GATA5: variants seen among roughly 807,000 people sequenced by gnomAD.
The protein encoded by GATA5 is GATA binding protein 5, also known as transcription factor GATA-5.
GATA5 carries 27 observed loss-of-function variants against 35.0 expected under a neutral mutation model. The observed-to-expected ratio is 0.77, with a 90% CI of 0.57 to 1.06. GATA5 has a LOEUF of 1.06. Among genes scored for constraint, GATA5 ranks in the 50% least tolerant of loss-of-function variants. GATA5 has a pLI of 0.00. For synonymous variants in GATA5, 306 were observed against 267.8 expected (o/e 1.14, Z -1.39); for missense variants, 612 against 580.0 (o/e 1.06, Z -0.57).
intron 4 of GATA5, 23 bp downstream of exon 4, chr20:62,466,403 C>T: frequency 2.6e-6 from 4 of 1,564,116 alleles, no homozygotes; most frequent in Non-Finnish European, 3.5e-6. Context: ...GCCTCCCCGC[C>T]CTGCCCCGGG....
chr20:62,475,003 G>A lies in GATA5; in HGVS notation c.519C>T (p.Thr173=). The A allele has an allele frequency of 7.5e-7, 1 of 1,337,886 alleles. No individual in the cohort carries two copies. The highest frequency in any genetic ancestry group is 9.6e-7 in the Non-Finnish European group (1 of 1,040,250). 82.9% of individuals were successfully genotyped at this position (1,337,886 alleles called of 1,614,324 possible). A position where few individuals can be genotyped will look rare whatever the true frequency, so the allele number is the denominator to read the frequency against. The change falls in exon 2 of 7, where the codon ACC becomes ACT. Residue 173 remains threonine (T), a synonymous_variant. Coordinates refer to ENST00000252997, the MANE Select transcript of GATA5 (RefSeq NM_080473.5). The stretch of plus-strand genomic sequence containing the variant: ...CTGTGGAGCCCCCGCACTCACCGAA[G>A]GTGGGCCTGCGGCCTGGGAGGCCGT... ...VLHGLPGRRP[T]FVSDFLEEFP... is the part of the protein sequence containing the mutation.
At chr20:62,469,116 C>CA (rs1989662797) in intron 3 of GATA5, among the ~76,000 whole-genome samples, 1 of 152,340 alleles carries the variant, frequency 6.6e-6, no homozygotes, top group Admixed American at 6.5e-5. Context: ...GACACCCACC[C>CA]ATCCGTCTGT....
At chr20:62,474,947 AC>A (rs1989815303) in intron 2 of GATA5, 51 bp downstream of exon 2, 2 of 1,260,744 alleles carry the variant, frequency 1.6e-6, no homozygotes, top group Admixed American at 4.2e-5. Flanking sequence ...GCGGGTTTGC[AC>A]CCGGATTCGG....
intron 3 of GATA5, among the ~76,000 whole-genome samples, chr20:62,472,413 G>A (rs1440232506): frequency 2.0e-5 from 3 of 152,182 alleles, no homozygotes; most frequent in Non-Finnish European, 2.9e-5. Context: ...CATAGCACGC[G>A]AATCCAGGCA....
At chr20:62,465,528 T>G (rs782025695) in intron 5 of GATA5, 64 bp from the exon 6 acceptor site, 125 of 1,555,112 alleles carry the variant, frequency 8.0e-5, no homozygotes, top group Admixed American at 1.6e-4. Flanking sequence ...CTTCCTGCCA[T>G]GTAGCGGGTC....
Position 62,470,702 on chromosome 20 carries a change from C to T in GATA5, c.699+2701G>A, listed in dbSNP as rs1189165186. Among the ~76,000 whole-genome samples, 3 of 152,172 alleles carry T rather than the reference C, an allele frequency of 2.0e-5. No homozygotes were observed. Among genetic ancestry groups the T allele is most frequent in the Admixed American group, 6.5e-5 (1 of 15,276 alleles). On this transcript the variant is annotated intron_variant, in intron 3 of 6. Coordinates refer to ENST00000252997, the MANE Select transcript of GATA5 (RefSeq NM_080473.5). The surrounding 1 kb of genome is among the most constrained non-coding windows in gnomAD (Gnocchi z 4.6). ...GCTAGGAGGTCTGCTGTCCGCACTG[C>T]CCTTGGCTGCCGGGCCCCAGGCTTC...
chr20:62,465,194 G>C, intron 6 of GATA5, 146 bp downstream of exon 6: 2 of 979,350 alleles, frequency 2.0e-6, no homozygotes, highest in Admixed American at 2.9e-5. Flanking sequence ...TCTAGGGGAA[G>C]GGCCACCATA....
rs781894505 is a variant in GATA5, at chr20:62,473,454, G to A, written c.648C>T (p.Tyr216=). Residue 216 remains tyrosine, a synonymous_variant, in exon 3 of 7, where the codon TAC becomes TAT. Transcript: ENST00000252997. The part of the protein sequence containing the change: ...GHYLCNACGL[Y]HKMNGVNRPL... ...GCCGGTTGACGCCATTCATCTTGTG[G>A]TAGAGGCCGCAGGCATTGCACAGGT... is the stretch of plus-strand genomic sequence containing the variant. 1.9e-6 allele frequency: 3 copies of A among 1,611,444 alleles called. No homozygotes were observed. Among genetic ancestry groups the A allele is most frequent in the Non-Finnish European group, 2.5e-6 (3 of 1,179,350 alleles).
At chr20:62,466,288 G>C (rs1258314845) in intron 4 of GATA5, 138 bp downstream of exon 4, 2 of 1,026,442 alleles carry the variant, frequency 1.9e-6, no homozygotes, top group South Asian at 1.7e-5. Flanking sequence ...GGCCGGCCGG[G>C]ACATGTGTGT....
rs1158686658 is a variant in GATA5, at chr20:62,464,084, G to A, written c.*752C>T. ...AACAGCGCTTGGATGGGTCAGGACA[G>A]GGCTACCAGACAATTCATTCTGCCT... On this transcript the variant is annotated 3_prime_UTR_variant, in exon 7 of 7. Coordinates refer to ENST00000252997, the MANE Select transcript of GATA5 (RefSeq NM_080473.5). 3 of 152,270 alleles carry A rather than the reference G, an allele frequency of 2.0e-5. No individual in the cohort carries two copies. Among genetic ancestry groups the A allele is most frequent in the Non-Finnish European group, 2.9e-5 (2 of 68,068 alleles). The allele number at this position is 152,270 out of a possible 1,614,324, so 9.4% of individuals were successfully genotyped here.
At chr20:62,473,016 A>G (rs1223948325) in intron 3 of GATA5, among the ~76,000 whole-genome samples, 1 of 152,134 alleles carries the variant, frequency 6.6e-6, no homozygotes, top group Non-Finnish European at 1.5e-5. Context: ...CCTCCGAGAC[A>G]GGGCCAGGCC....
At chr20:62,467,629 T>A (rs539654332) in intron 3 of GATA5, among the ~76,000 whole-genome samples, 35 of 152,308 alleles carry the variant, frequency 2.3e-4, no homozygotes, top group African/African-American at 8.2e-4. Flanking sequence ...CTTGCCAGGA[T>A]CACAGTGGTG....
rs1372855914 is a variant in GATA5, at chr20:62,475,199, G to A, written c.323C>T (p.Ala108Val). The change falls in exon 2 of 7, where the codon GCG becomes GTG. Residue 108 changes from alanine to valine, a missense_variant. By Grantham distance (64) the Ala-to-Val change is moderately conservative. Coordinates refer to ENST00000252997, the MANE Select transcript of GATA5 (RefSeq NM_080473.5). ...SPSGPGSGGS[A>V]GGRDGSAYQG... ...GTAGGCACTGCCGTCTCGGCCCCCC[G>A]CGCTGCCGCCGCTGCCGGGCCCCGA... is the stretch of plus-strand genomic sequence containing the variant. 1.6e-6 allele frequency: 2 copies of A among 1,258,264 alleles called. No homozygotes were observed. The highest frequency in any genetic ancestry group is 1.0e-6 in the Non-Finnish European group (1 of 999,866). The allele number at this position is 1,258,264 out of a possible 1,614,324, so 77.9% of individuals were successfully genotyped here.
intron 3 of GATA5, among the ~76,000 whole-genome samples, chr20:62,467,553 C>A (rs782174068): frequency 8.5e-5 from 13 of 152,218 alleles, no homozygotes; most frequent in Non-Finnish European, 1.8e-4. Flanking sequence ...CAGCCCCTAC[C>A]CTGACCCCAT....
In GATA5 at chr20:62,465,925, G is replaced by T. The variant is rs781836726; in HGVS notation, c.826-4C>A. The T allele has an allele frequency of 1.9e-6, 3 of 1,580,788 alleles. No homozygotes were observed. The South Asian group carries it at 3.5e-5, about 18-fold the overall frequency. ...TCATAGCCAGAGGCCGCGGCACCTG[G>T]CAGGGGTGGCGAGGGTGGAGGCTGG... On this transcript the variant is annotated splice_polypyrimidine_tract_variant and splice_region_variant and intron_variant, in intron 4 of 6. Transcript: ENST00000252997.
At position 62,471,724 on chromosome 20, in the gene GATA5, C is replaced by G. The variant is rs145948304; in HGVS notation, c.699+1679G>C. Among the ~76,000 whole-genome samples, 285 of 149,630 alleles carry G rather than the reference C, an allele frequency of 1.9e-3. 1 individual carries two copies. The highest frequency in any genetic ancestry group is 6.9e-3 in the African/African-American group (278 of 40,578). On this transcript the variant is annotated intron_variant, in intron 3 of 6. Coordinates refer to ENST00000252997, the MANE Select transcript of GATA5 (RefSeq NM_080473.5). The stretch of plus-strand genomic sequence containing the variant: ...GGGATTACAGGCATGAGCCATTGCA[C>G]AGGACCAATTTATTTATTTTTAGAG...
intron 4 of GATA5, 92 bp from the exon 5 acceptor site, chr20:62,466,013 G>A (rs782756753): frequency 3.1e-5 from 28 of 910,908 alleles, no homozygotes; most frequent in Non-Finnish European, 4.0e-5. Context: ...CCCCAGAGCC[G>A]GTCACTCCTG....
Position 62,464,690 on chromosome 20 carries a change from C to T in GATA5, c.*146G>A, listed in dbSNP as rs1989532632. 6 of 709,414 alleles carry T rather than the reference C, an allele frequency of 8.5e-6. No individual in the cohort carries two copies. The highest frequency in any genetic ancestry group is 3.0e-5 in the East Asian group (1 of 33,746). 43.9% of individuals were successfully genotyped at this position (709,414 alleles called of 1,614,324 possible). ...CTGCCGTCTGTCCAGAAGGCCTCCC[C>T]ACCACTGTGTGGAGACTCCAGCAGA... On this transcript the variant is annotated 3_prime_UTR_variant, in exon 7 of 7. Transcript: ENST00000252997.
chr20:62,470,542 G>A lies in GATA5; in HGVS notation c.699+2861C>T, dbSNP rs1555896458. ...ACGTGGGTCTGTGAAGGGCTCGAAG[G>A]AAGGAAACCCTGGGGTTGGGTGGGT... On this transcript the variant is annotated intron_variant, in intron 3 of 6. Coordinates refer to ENST00000252997, the MANE Select transcript of GATA5 (RefSeq NM_080473.5). The surrounding 1 kb of genome is among the most constrained non-coding windows in gnomAD (Gnocchi z 4.6). 6.6e-6 allele frequency among the ~76,000 whole-genome samples: 1 copy of A among 152,210 alleles called. No individual in the cohort carries two copies. The highest frequency in any genetic ancestry group is 1.5e-5 in the Non-Finnish European group (1 of 68,022).
Sources: allele counts gnomAD v4.1 joint callset (sites outside exome capture counted in the v4.1 genomes callset), GRCh38; gene constraint gnomAD v4.1.1; non-coding constraint Gnocchi (gnomAD v3.1); transcripts MANE v1.5; gene names NCBI Gene and HGNC (gene_info 2026-07-23, HGNC 2026-07-21).